Variants in EPB41L3 observed in about 807,000 individuals in gnomAD.
EPB41L3 encodes the protein erythrocyte membrane protein band 4.1 like 3, also known as band 4.1-like protein 3.
EPB41L3 carries 57 observed loss-of-function variants against 127.1 expected under a neutral mutation model. That is an observed-to-expected ratio of 0.45 (90% CI 0.36 to 0.56). EPB41L3 has a LOEUF of 0.56. Among genes scored for constraint, EPB41L3 ranks in the 20% least tolerant of loss-of-function variants. The probability of loss-of-function intolerance (pLI) is 0.00; values close to 1 mark genes in which losing one functional copy is unlikely to be tolerated. For missense variants in EPB41L3, 1,273 were observed against 1,372.2 expected, an observed-to-expected ratio of 0.93 and a Z score of 1.14; for synonymous variants, 572 against 549.5, an observed-to-expected ratio of 1.04 and a Z score of -0.57.
intron 2 of EPB41L3, among the ~76,000 whole-genome samples, chr18:5,483,956 A>G (rs913739234): frequency 1.3e-5 from 2 of 151,570 alleles, no homozygotes; most frequent in Non-Finnish European, 2.9e-5. Flanking sequence ...ACTACACACT[A>G]GATCTAACAG....
chr18:5,531,631 G>A (rs938789593), intron 1 of EPB41L3, among the ~76,000 whole-genome samples: 3 of 148,228 alleles, frequency 2.0e-5, no homozygotes, highest in Admixed American at 6.9e-5. Context: ...GCTGAGGCAC[G>A]AGAATCACTT....
At chr18:5,574,459 T>C (rs1388050613) in intron 3 of EPB41L3, among the ~76,000 whole-genome samples, 1 of 151,864 alleles carries the variant, frequency 6.6e-6, no homozygotes, top group East Asian at 1.9e-4. Context: ...TTATTATTTT[T>C]CTATTTTAGT....
chr18:5,471,897 C>T lies in EPB41L3; in HGVS notation c.381+6344G>A, dbSNP rs146855094. Reference sequence around the variant, plus strand: ...ACAACTGGGAGTGACTGGGAGTTAGCAAAAAGAATGCCTTAGTGGATTTTA... The same window carrying T: ...ACAACTGGGAGTGACTGGGAGTTAGTAAAAAGAATGCCTTAGTGGATTTTA... On this transcript the variant is annotated intron_variant, in intron 3 of 22. Transcript: ENST00000341928. Among the ~76,000 whole-genome samples, 5 of 152,184 alleles carry T rather than the reference C, an allele frequency of 3.3e-5. No homozygotes were observed. In the East Asian group the frequency reaches 9.7e-4, roughly 29 times the overall value.
At chr18:5,568,487 A>T (rs2094236941) in intron 3 of EPB41L3, among the ~76,000 whole-genome samples, 1 of 152,032 alleles carries the variant, frequency 6.6e-6, no homozygotes, top group South Asian at 2.1e-4. Flanking sequence ...CACATCAAAG[A>T]ATCCTTTTGA....
At chr18:5,468,947 A>C (rs1437448852) in intron 3 of EPB41L3, among the ~76,000 whole-genome samples, 2 of 146,934 alleles carry the variant, frequency 1.4e-5, no homozygotes, top group Non-Finnish European at 3.0e-5. Context: ...ACAAACAAAC[A>C]AACAAACAAA....
At position 5,553,755 on chromosome 18, in the gene EPB41L3, C is replaced by G. The variant is rs145652439; in HGVS notation, c.-306+58585G>C. On this transcript the variant is annotated intron_variant, in intron 3 of 21. Coordinates refer to the EPB41L3 transcript ENST00000545076. ...ATCTCCTGTCTGGGTTCCTGCAACA[C>G]CTCAGCACATCTGTCTCTGCTGCCA... Among the ~76,000 whole-genome samples, 7 of 152,344 alleles carry G rather than the reference C, an allele frequency of 4.6e-5. No homozygotes were observed. In the East Asian group the frequency reaches 1.4e-3, roughly 30 times the overall value.
intron 12 of EPB41L3, among the ~76,000 whole-genome samples, chr18:5,417,364 A>G (rs2076952125): frequency 6.6e-6 from 1 of 152,232 alleles, no homozygotes; most frequent in South Asian, 2.1e-4. Context: ...TGGGTCCTGG[A>G]AGTCTCCACG....
At position 5,395,665 on chromosome 18, in the gene EPB41L3, C is replaced by T; in HGVS notation, c.3016G>A (p.Ala1006Thr). Residue 1006 changes from alanine (A) to threonine (T), a missense_variant, in exon 20 of 23, where the codon GCA becomes ACA. Physicochemically the swap from Ala to Thr is moderately conservative, Grantham distance 58. Around this residue, in one of 3 missense-constraint regions of EPB41L3, gnomAD observed 765 missense variants for 782.9 expected, o/e 0.98. Transcript: ENST00000341928. ...TDLEPGVLMS[A>T]QTITSETTST... Reference sequence around the variant, plus strand: ...GTGGTTTCAGATGTGATCGTCTGTGCACTCATCAGCACGCCTGGCTCCAGA... The same window carrying T: ...GTGGTTTCAGATGTGATCGTCTGTGTACTCATCAGCACGCCTGGCTCCAGA... 1 of 1,614,176 alleles carries T rather than the reference C, an allele frequency of 6.2e-7. No individual in the cohort carries two copies. The highest frequency in any genetic ancestry group is 8.5e-7 in the Non-Finnish European group (1 of 1,180,026).
chr18:5,569,110 G>A (rs2094244905), intron 3 of EPB41L3, among the ~76,000 whole-genome samples: 1 of 152,120 alleles, frequency 6.6e-6, no homozygotes, highest in South Asian at 2.1e-4. Context: ...CATCTGAACA[G>A]GAGCACTCAA....
chr18:5,526,575 T>C (rs2093230303), intron 1 of EPB41L3, among the ~76,000 whole-genome samples: 1 of 152,198 alleles, frequency 6.6e-6, no homozygotes. Context: ...AAGAAAAATC[T>C]CTGCCCTCCT....
At chr18:5,624,725 C>T (rs943087261) in intron 1 of EPB41L3, among the ~76,000 whole-genome samples, 1 of 152,154 alleles carries the variant, frequency 6.6e-6, no homozygotes, top group African/African-American at 2.4e-5. Flanking sequence ...ACCGTGGAGC[C>T]CCCACTCCGG....
chr18:5,423,296 A>G (rs1568098288), intron 11 of EPB41L3, 82 bp downstream of exon 11: 5 of 1,355,262 alleles, frequency 3.7e-6, no homozygotes, highest in Admixed American at 5.0e-5. Context: ...AGGAATATCT[A>G]TACTTACTGA....
intron 1 of EPB41L3, among the ~76,000 whole-genome samples, chr18:5,617,907 A>C (rs2094816859): frequency 6.6e-6 from 1 of 152,216 alleles, no homozygotes; most frequent in Admixed American, 6.5e-5. Flanking sequence ...GAAGTTGCAA[A>C]GCACTATATA....
At chr18:5,566,768 T>TATTCTATTCC (rs1568583909) in intron 3 of EPB41L3, among the ~76,000 whole-genome samples, 1 of 141,806 alleles carries the variant, frequency 7.1e-6, no homozygotes, top group East Asian at 2.3e-4. Context: ...TATTCTATTC[T>TATTCTATTCC]ATTCTATTCT....
chr18:5,434,197 G>T, intron 6 of EPB41L3, 76 bp from the exon 7 acceptor site: 1 of 1,182,284 alleles, frequency 8.5e-7, no homozygotes, highest in Non-Finnish European at 1.2e-6. Flanking sequence ...GGTAAAAATC[G>T]TGGGCAAATA....
chr18:5,501,210 T>C (rs1314568305), intron 1 of EPB41L3, among the ~76,000 whole-genome samples: 2 of 152,220 alleles, frequency 1.3e-5, no homozygotes, highest in Non-Finnish European at 2.9e-5. Context: ...TATTATTGTT[T>C]CTATTTAATA....
In EPB41L3 at chr18:5,566,773, TATTCTATTCTATTCTATTCC is replaced by T. The variant is rs1284053938; in HGVS notation, c.-306+45547_-306+45566del. Among the ~76,000 whole-genome samples the T allele has an allele frequency of 1.9e-3, 248 of 127,750 alleles. 6 individuals carry two copies. The highest frequency in any genetic ancestry group is 4.9e-3 in the African/African-American group (180 of 36,442). 83.8% of individuals were successfully genotyped at this position (127,750 alleles called of 152,430 possible). A position where few individuals can be genotyped will look rare whatever the true frequency, so the allele number is the denominator to read the frequency against. Reference sequence around the variant, plus strand: ...TATTCTATTCTATTCTATTCTATTCTATTCTATTCTATTCTATTCCATTCCATTCCATTCTAATTTTATTT... The same window carrying T: ...TATTCTATTCTATTCTATTCTATTCTATTCCATTCCATTCTAATTTTATTT... On this transcript the variant is annotated intron_variant, in intron 3 of 21. Transcript: ENST00000545076.
At chr18:5,590,597 T>C (rs140569276) in intron 3 of EPB41L3, among the ~76,000 whole-genome samples, 135 of 152,198 alleles carry the variant, frequency 8.9e-4, no homozygotes, top group Non-Finnish European at 1.4e-3. Context: ...AACACACATG[T>C]TGCACATGAA....
chr18:5,448,365 A>G (rs1168915738), intron 3 of EPB41L3, among the ~76,000 whole-genome samples: 2 of 152,100 alleles, frequency 1.3e-5, no homozygotes, highest in Admixed American at 6.5e-5. Flanking sequence ...TCTAACCCAG[A>G]TGATTTTTTT....
Sources: allele counts gnomAD v4.1 joint callset (sites outside exome capture counted in the v4.1 genomes callset), GRCh38; gene constraint gnomAD v4.1.1; regional missense constraint gnomAD v4.1.1; transcripts MANE v1.5; gene names NCBI Gene and HGNC (gene_info 2026-07-23, HGNC 2026-07-21).